The following CYP26C1 variants were observed in gnomAD, a reference collection of about 807,000 sequenced individuals.
The protein encoded by CYP26C1 is cytochrome P450 family 26 subfamily C member 1.
In CYP26C1, 41 loss-of-function variants were observed where a neutral mutation model predicts 39.1. The ratio of observed to expected loss-of-function variants is 1.05; its 90% CI spans 0.82 to 1.36. CYP26C1 has a LOEUF of 1.36. Ranked by LOEUF, CYP26C1 falls within the 40% of genes most tolerant of loss-of-function variation. The pLI, the probability that CYP26C1 is intolerant of heterozygous loss-of-function variation, is 0.00. For missense variants in CYP26C1, 833 were observed against 752.0 expected (o/e 1.11, Z -1.26); for synonymous variants, 362 against 350.8 (o/e 1.03, Z -0.36).
Position 93,069,526 on chromosome 10 carries a change from C to G in CYP26C1, c.*829C>G, listed in dbSNP as rs1453489032. ...ATAGGAAGGCCAAGAAATAAAGTGT[C>G]TTGGGAGCGGTTGAGTGAGGAGGCT... On this transcript the variant is annotated 3_prime_UTR_variant, in exon 6 of 6. Coordinates refer to ENST00000651965, the MANE Select transcript of CYP26C1 (RefSeq NM_183374.3). The G allele has an allele frequency of 6.6e-6, 1 of 152,250 alleles. No individual in the cohort carries two copies. The highest frequency in any genetic ancestry group is 1.9e-4 in the East Asian group (1 of 5,192). The allele number at this position is 152,250 out of a possible 1,614,324, so 9.4% of individuals were successfully genotyped here. A position where few individuals can be genotyped will look rare whatever the true frequency, so the allele number is the denominator to read the frequency against.
Position 93,066,022 on chromosome 10 carries a change from C to T in CYP26C1, c.928C>T (p.Leu310=). ...TTASASTSLV[L]LLLQHPAAIA... is the part of the protein sequence containing the mutation. ...GGCCAGTGCCAGCACCTCGCTCGTC[C>T]TGCTGCTACTGCAGCATCCGGCGGC... is the stretch of plus-strand genomic sequence containing the variant. Residue 310 remains leucine, a synonymous_variant, in exon 5 of 6, where the codon CTG becomes TTG. Transcript: ENST00000651965. 1 of 1,567,558 alleles carries T rather than the reference C, an allele frequency of 6.4e-7. No individual in the cohort carries two copies. The highest frequency in any genetic ancestry group is 2.6e-5 in the East Asian group (1 of 38,954).
intron 5 of CYP26C1, 57 bp from the exon 6 acceptor site, chr10:93,068,263 G>T: frequency 6.7e-7 from 1 of 1,481,862 alleles, no homozygotes; most frequent in South Asian, 1.4e-5. Flanking sequence ...GGTCAGTTCA[G>T]GGCCCCCCCG....
chr10:93,062,255 A>G, intron 2 of CYP26C1, 21 bp downstream of exon 2: 1 of 1,503,912 alleles, frequency 6.6e-7, no homozygotes. Context: ...ACGGGAATGG[A>G]CCGTAGATAC....
At chr10:93,068,010 C>A (rs535593245) in intron 5 of CYP26C1, among the ~76,000 whole-genome samples, 149 of 152,268 alleles carry the variant, frequency 9.8e-4, no homozygotes, top group Admixed American at 2.3e-3. Flanking sequence ...TAATAGTTAC[C>A]GTTTACTGAA....
rs1187121906 is a variant in CYP26C1 at position 93,068,602 on chromosome 10, A to T, written c.1474A>T (p.Met492Leu). 5 of 1,600,330 alleles carry T rather than the reference A, an allele frequency of 3.1e-6. No individual in the cohort carries two copies. Among genetic ancestry groups the T allele is most frequent in the Non-Finnish European group, 4.3e-6 (5 of 1,174,294 alleles). ...ACTGGCCACACCCGCCTTCCCCGCC[A>T]TGCAGACGGTGCCCATCGTGCACCC... ...WELATPAFPA[M>L]QTVPIVHPVD... The change falls in exon 6 of 6, where the codon ATG becomes TTG. Residue 492 changes from methionine (M) to leucine (L), a missense_variant. Met to Leu is a conservative substitution (Grantham distance 15). Transcript: ENST00000651965.
chr10:93,068,266 C>T (rs961755325), intron 5 of CYP26C1, 54 bp from the exon 6 acceptor site: 10 of 1,476,284 alleles, frequency 6.8e-6, no homozygotes, highest in South Asian at 2.9e-5. Flanking sequence ...CAGTTCAGGG[C>T]CCCCCCGTTT....
chr10:93,068,566 G>A lies in CYP26C1; in HGVS notation c.1438G>A (p.Ala480Thr), dbSNP rs1846858100. 1 of 1,592,662 alleles carries A rather than the reference G, an allele frequency of 6.3e-7. No individual in the cohort carries two copies. The highest frequency in any genetic ancestry group is 8.5e-7 in the Non-Finnish European group (1 of 1,170,242). Reference protein sequence around the residue: ...QLLAVELVRTARWELATPAFP... With the variant: ...QLLAVELVRTTRWELATPAFP... The stretch of plus-strand genomic sequence containing the variant: ...GCTAGCTGTGGAGCTAGTGCGCACC[G>A]CGCGCTGGGAACTGGCCACACCCGC... Residue 480 changes from alanine (A) to threonine (T), a missense_variant, in exon 6 of 6, where the codon GCG becomes ACG. Coordinates refer to ENST00000651965, the MANE Select transcript of CYP26C1 (RefSeq NM_183374.3).
In CYP26C1 at chr10:93,065,944, G is replaced by A. The variant is rs772882692; in HGVS notation, c.862-12G>A. ...CGCCCGAGACTCAGTGCAGCCCGGGGCTGTCTTGCAGGAGTCGGCTGTGGA... is the reference window on the plus strand; with the variant it reads ...CGCCCGAGACTCAGTGCAGCCCGGGACTGTCTTGCAGGAGTCGGCTGTGGA... On this transcript the variant is annotated splice_polypyrimidine_tract_variant and intron_variant, in intron 4 of 5. Transcript: ENST00000651965. 5 of 1,571,534 alleles carry A rather than the reference G, an allele frequency of 3.2e-6. No individual in the cohort carries two copies. The highest frequency in any genetic ancestry group is 1.9e-4 in the Middle Eastern group (1 of 5,396).
In CYP26C1 at chr10:93,068,850, G is replaced by T; in HGVS notation, c.*153G>T. On this transcript the variant is annotated 3_prime_UTR_variant, in exon 6 of 6. Coordinates refer to ENST00000651965, the MANE Select transcript of CYP26C1 (RefSeq NM_183374.3). Reference sequence around the variant, plus strand: ...GTTCGCCAAACGCGGATGTGTGCCGGACTCGAGGAAGGAGGAGGGCGAGCC... The same window carrying T: ...GTTCGCCAAACGCGGATGTGTGCCGTACTCGAGGAAGGAGGAGGGCGAGCC... The T allele has an allele frequency of 7.6e-7, 1 of 1,317,262 alleles. No individual in the cohort carries two copies. The highest frequency in any genetic ancestry group is 9.9e-7 in the Non-Finnish European group (1 of 1,010,438). 81.6% of individuals were successfully genotyped at this position (1,317,262 alleles called of 1,614,324 possible).
chr10:93,061,320 C>G lies in CYP26C1; in HGVS notation c.57C>G (p.Leu19=). ...TGCTGGGGGCGGCGGGCACTGCTCTCCTGTGCGCGGGCCTGCTGCTCAGCC... is the reference window on the plus strand; with the variant it reads ...TGCTGGGGGCGGCGGGCACTGCTCTGCTGTGCGCGGGCCTGCTGCTCAGCC... ...LSVLGAAGTA[L]LCAGLLLSLA... Residue 19 remains leucine (L), a synonymous_variant, in exon 1 of 6, where the codon CTC becomes CTG. Transcript: ENST00000651965. 1 of 1,596,708 alleles carries G rather than the reference C, an allele frequency of 6.3e-7. No individual in the cohort carries two copies.
chr10:93,067,439 C>G (rs542385177), intron 5 of CYP26C1, among the ~76,000 whole-genome samples: 1 of 152,200 alleles, frequency 6.6e-6, no homozygotes, highest in African/African-American at 2.4e-5. Flanking sequence ...CTTCATTCTG[C>G]AGGCGCTGGA....
intron 4 of CYP26C1, among the ~76,000 whole-genome samples, 174 bp from the exon 5 acceptor site, chr10:93,065,782 G>A (rs1372184810): frequency 6.6e-6 from 1 of 152,250 alleles, no homozygotes; most frequent in Non-Finnish European, 1.5e-5. Context: ...GTGGACTTGA[G>A]ATTTAATCGA....
At chr10:93,064,130 C>A in intron 3 of CYP26C1, 1 of 1,235,632 alleles carries the variant, frequency 8.1e-7, no homozygotes, top group Non-Finnish European at 1.0e-6. Context: ...ATCCTCTCCT[C>A]AGGATGACAG....
At chr10:93,064,585 G>A (rs1846799465) in intron 4 of CYP26C1, 49 bp downstream of exon 4, 1 of 1,585,012 alleles carries the variant, frequency 6.3e-7, no homozygotes, top group African/African-American at 1.3e-5. Flanking sequence ...ATTCCCAGCA[G>A]GTCCCTACAC....
chr10:93,068,470 C>A lies in CYP26C1; in HGVS notation c.1342C>A (p.His448Asn). 1 of 1,611,174 alleles carries A rather than the reference C, an allele frequency of 6.2e-7. No homozygotes were observed. The highest frequency in any genetic ancestry group is 8.5e-7 in the Non-Finnish European group (1 of 1,179,096). ...TTCCCGGGGCGCCTCCAGCCGCTTC[C>A]ATTACATCCCGTTCGGCGGCGGTGC... ...EDSRGASSRF[H>N]YIPFGGGARS... The change falls in exon 6 of 6, where the codon CAT becomes AAT. Residue 448 changes from histidine (H) to asparagine (N), a missense_variant. Transcript: ENST00000651965.
Position 93,068,720 on chromosome 10 carries a change from G to A in CYP26C1, c.*23G>A. 1 of 1,488,322 alleles carries A rather than the reference G, an allele frequency of 6.7e-7. No homozygotes were observed. The highest frequency in any genetic ancestry group is 1.4e-5 in the South Asian group (1 of 71,198). 92.2% of individuals were successfully genotyped at this position (1,488,322 alleles called of 1,614,324 possible). A position where few individuals can be genotyped will look rare whatever the true frequency, so the allele number is the denominator to read the frequency against. On this transcript the variant is annotated 3_prime_UTR_variant, in exon 6 of 6. Transcript: ENST00000651965. ...TGACATGCTTGCGCTCTAGGACACG[G>A]CTTGGCCGGTGGCTATGGCGCGCAC... is the stretch of plus-strand genomic sequence containing the variant.
intron 2 of CYP26C1, 29 bp from the exon 3 acceptor site, chr10:93,062,691 G>C: frequency 7.2e-7 from 1 of 1,393,508 alleles, no homozygotes; most frequent in Non-Finnish European, 9.2e-7. Flanking sequence ...CCAGACCGCC[G>C]CCAGCGCTGA....
In CYP26C1 at chr10:93,068,436, G is replaced by A. The variant is rs916886466; in HGVS notation, c.1308G>A (p.Ala436=). 26 of 1,612,192 alleles carry A rather than the reference G, an allele frequency of 1.6e-5. No individual in the cohort carries two copies. The highest frequency in any genetic ancestry group is 2.2e-5 in the Non-Finnish European group (26 of 1,179,586). ...EGFDPERFGA[A]REDSRGASSR... ...TCGATCCAGAGCGCTTCGGCGCAGCGCGCGAAGATTCCCGGGGCGCCTCCA... is the reference window on the plus strand; with the variant it reads ...TCGATCCAGAGCGCTTCGGCGCAGCACGCGAAGATTCCCGGGGCGCCTCCA... The change falls in exon 6 of 6, where the codon GCG becomes GCA. Residue 436 remains alanine, a synonymous_variant. Coordinates refer to ENST00000651965, the MANE Select transcript of CYP26C1 (RefSeq NM_183374.3).
Position 93,064,523 on chromosome 10 carries a change from T to A in CYP26C1, c.848T>A (p.Met283Lys). ...SARELGHEPS[M>K]QELKESAVEL... The stretch of plus-strand genomic sequence containing the variant: ...AGGGAGCTGGGCCATGAGCCCTCCA[T>A]GCAGGAGCTGAAGGTAGGTGCTGAC... Residue 283 changes from methionine (M) to lysine (K), a missense_variant, in exon 4 of 6, where the codon ATG (methionine) becomes AAG (lysine). Transcript: ENST00000651965. 6.2e-7 allele frequency: 1 copy of A among 1,613,340 alleles called. No homozygotes were observed. The highest frequency in any genetic ancestry group is 8.5e-7 in the Non-Finnish European group (1 of 1,179,450).
Sources: gnomAD v4.1 joint callset for allele counts (sites outside exome capture counted in the v4.1 genomes callset) on GRCh38, gnomAD v4.1.1 for gene constraint, MANE v1.5 for transcripts, NCBI Gene and HGNC (gene_info 2026-07-23, HGNC 2026-07-21) for gene names.